Variants in ATRNL1 observed in about 807,000 individuals in gnomAD.
ATRNL1 encodes attractin-like protein 1.
ATRNL1 carries 95 observed loss-of-function variants against 182.7 expected under a neutral mutation model. That is an observed-to-expected ratio of 0.52 (90% CI 0.44 to 0.62). ATRNL1 has a LOEUF of 0.62. Ranked by LOEUF, ATRNL1 falls within the 20% of genes least tolerant of loss-of-function variation. The pLI is 0.00. For synonymous variants in ATRNL1, 576 were observed against 568.3 expected (o/e 1.01, Z -0.19); for missense variants, 1,471 against 1,679.5 (o/e 0.88, Z 2.17).
rs1489801348 is a variant in ATRNL1, at chr10:115,847,901, G to A, written c.3928G>A (p.Glu1310Lys). Residue 1310 changes from glutamate (E) to lysine (K), a missense_variant, in exon 28 of 29, where the codon GAA becomes AAA. Glu to Lys is a moderately conservative substitution (Grantham distance 56). Coordinates refer to ENST00000355044, the MANE Select transcript of ATRNL1 (RefSeq NM_207303.4). ...GGGGGCACCCAAGCCAATTGCCATTGAACCATGTGCTGGGAACAGAGCTGC... is the reference window on the plus strand; with the variant it reads ...GGGGGCACCCAAGCCAATTGCCATTAAACCATGTGCTGGGAACAGAGCTGC... ...LEGAPKPIAI[E>K]PCAGNRAAVL... 1 of 1,612,174 alleles carries A rather than the reference G, an allele frequency of 6.2e-7. No homozygotes were observed. The highest frequency in any genetic ancestry group is 8.5e-7 in the Non-Finnish European group (1 of 1,178,550).
chr10:115,770,033 C>G (rs1555075945), intron 27 of ATRNL1, among the ~76,000 whole-genome samples: 1 of 152,026 alleles, frequency 6.6e-6, no homozygotes, highest in Non-Finnish European at 1.5e-5. Flanking sequence ...ACACTTAATA[C>G]TCTTCTTAAT....
At chr10:115,365,797 G>A (rs1374977665) in intron 19 of ATRNL1, among the ~76,000 whole-genome samples, 8 of 152,112 alleles carry the variant, frequency 5.3e-5, no homozygotes, top group Non-Finnish European at 1.0e-4. Flanking sequence ...TCATTCAGGA[G>A]CAGGTTGTTC....
chr10:115,370,393 A>G (rs1471389305), intron 19 of ATRNL1, among the ~76,000 whole-genome samples: 1 of 152,200 alleles, frequency 6.6e-6, no homozygotes, highest in Non-Finnish European at 1.5e-5. Flanking sequence ...GAAAGTGTGG[A>G]ACTCCCTAGA....
intron 8 of ATRNL1, among the ~76,000 whole-genome samples, chr10:115,215,335 A>G (rs1014474315): frequency 1.1e-4 from 17 of 152,180 alleles, no homozygotes; most frequent in Non-Finnish European, 2.5e-4. Flanking sequence ...TTATCTTTAT[A>G]ATGTCAGTGA....
intron 4 of ATRNL1, 91 bp from the exon 5 acceptor site, chr10:115,129,236 A>G: frequency 1.2e-6 from 1 of 857,678 alleles, no homozygotes; most frequent in South Asian, 1.7e-5. Flanking sequence ...CACATAGGAC[A>G]CAGTATAAAA....
intron 27 of ATRNL1, among the ~76,000 whole-genome samples, chr10:115,769,017 A>G (rs1948924356): frequency 1.3e-5 from 2 of 152,162 alleles, no homozygotes. Flanking sequence ...GAAAGTATTC[A>G]TTAATAACTT....
intron 27 of ATRNL1, among the ~76,000 whole-genome samples, chr10:115,786,789 A>G (rs1949406835): frequency 6.6e-6 from 1 of 152,134 alleles, no homozygotes; most frequent in Non-Finnish European, 1.5e-5. Flanking sequence ...TTAAGTTGCT[A>G]TGGTGATAGT....
chr10:115,164,623 A>G (rs1181439577), intron 6 of ATRNL1, among the ~76,000 whole-genome samples: 2 of 152,182 alleles, frequency 1.3e-5, no homozygotes, highest in Admixed American at 6.5e-5. Flanking sequence ...TGGTATATAT[A>G]CACAATGGAG....
chr10:115,348,730 A>G (rs1856093824), intron 19 of ATRNL1, among the ~76,000 whole-genome samples: 1 of 152,164 alleles, frequency 6.6e-6, no homozygotes, highest in Admixed American at 6.5e-5. Context: ...TAGTGTTATG[A>G]AGAAATTGAG....
At chr10:115,182,770 TAGA>T (rs1339794285) in intron 8 of ATRNL1, among the ~76,000 whole-genome samples, 2 of 151,486 alleles carry the variant, frequency 1.3e-5, no homozygotes, top group Admixed American at 1.3e-4. Flanking sequence ...TGATATATAT[TAGA>T]AGAATATTAT....
At position 115,706,342 on chromosome 10, in the gene ATRNL1, A is replaced by G. The variant is rs1308034801; in HGVS notation, c.3796-20906A>G. 2.0e-5 allele frequency among the ~76,000 whole-genome samples: 3 copies of G among 151,806 alleles called. No individual in the cohort carries two copies. In the Admixed American group the frequency reaches 2.0e-4, roughly 10 times the overall value. The stretch of plus-strand genomic sequence containing the variant: ...ATACTTCTGTTATAAGAGCACTATG[A>G]TTACAGTTAGGGCCCCTCAGGATGA... On this transcript the variant is annotated intron_variant, in intron 26 of 28. Transcript: ENST00000355044.
At chr10:115,692,113 G>A (rs949094458) in intron 26 of ATRNL1, among the ~76,000 whole-genome samples, 7 of 152,104 alleles carry the variant, frequency 4.6e-5, no homozygotes, top group African/African-American at 1.7e-4. Flanking sequence ...TTTTCCTAGA[G>A]TTGAATCAAA....
At chr10:115,296,686 T>A (rs1253426341) in intron 15 of ATRNL1, among the ~76,000 whole-genome samples, 1 of 152,284 alleles carries the variant, frequency 6.6e-6, no homozygotes, top group East Asian at 1.9e-4. Flanking sequence ...GCCTTAAGTT[T>A]TTTTTTTACG....
intron 28 of ATRNL1, among the ~76,000 whole-genome samples, chr10:115,861,211 A>G (rs536800219): frequency 6.6e-6 from 1 of 152,096 alleles, no homozygotes; most frequent in East Asian, 1.9e-4. Flanking sequence ...ACTAGTCCCC[A>G]TGTTTACCCA....
chr10:115,695,029 GTTAA>G (rs1327013468), intron 26 of ATRNL1, among the ~76,000 whole-genome samples: 3 of 151,382 alleles, frequency 2.0e-5, no homozygotes, highest in African/African-American at 7.3e-5. Flanking sequence ...TTTGGATTTA[GTTAA>G]TATTTCCTAA....
intron 27 of ATRNL1, among the ~76,000 whole-genome samples, chr10:115,817,628 C>A (rs1431563024): frequency 2.0e-5 from 3 of 152,058 alleles, no homozygotes; most frequent in Non-Finnish European, 4.4e-5. Flanking sequence ...CCTTAGCAAT[C>A]TTAATTTTCC....
chr10:115,434,089 T>C (rs576791427), intron 21 of ATRNL1, among the ~76,000 whole-genome samples: 1 of 152,296 alleles, frequency 6.6e-6, no homozygotes, highest in Admixed American at 6.5e-5. Flanking sequence ...TTGAATGGTC[T>C]ACTGAAGGGA....
At chr10:115,857,569 T>C (rs1555102414) in intron 28 of ATRNL1, among the ~76,000 whole-genome samples, 1 of 152,236 alleles carries the variant, frequency 6.6e-6, no homozygotes, top group African/African-American at 2.4e-5. Context: ...GCACAAGCTT[T>C]TTCTTTTACT....
At chr10:115,343,320 C>A (rs1564933870) in intron 19 of ATRNL1, among the ~76,000 whole-genome samples, 1 of 152,014 alleles carries the variant, frequency 6.6e-6, no homozygotes, top group African/African-American at 2.4e-5. Flanking sequence ...TTTTAATCTT[C>A]TTCTTTTGTC....
Sources: allele counts gnomAD v4.1 joint callset (sites outside exome capture counted in the v4.1 genomes callset), GRCh38; gene constraint gnomAD v4.1.1; transcripts MANE v1.5; gene names NCBI Gene and HGNC (gene_info 2026-07-23, HGNC 2026-07-21).